CEP95: variants seen among roughly 807,000 people sequenced by gnomAD.
The protein encoded by CEP95 is centrosomal protein 95.
CEP95 carries 98 observed loss-of-function variants against 111.2 expected under a neutral mutation model. The observed-to-expected ratio is 0.88, with a 90% CI of 0.75 to 1.04. The LOEUF (loss-of-function observed/expected upper bound fraction) is 1.04. Among genes scored for constraint, CEP95 ranks in the 50% least tolerant of loss-of-function variants. The probability of loss-of-function intolerance (pLI) is 0.00; values close to 1 mark genes in which losing one functional copy is unlikely to be tolerated. For missense variants in CEP95, 1,027 were observed against 977.2 expected, an observed-to-expected ratio of 1.05 and a Z score of -0.68; for synonymous variants, 323 against 327.1, an observed-to-expected ratio of 0.99 and a Z score of 0.14.
chr17:64,529,099 C>T lies in CEP95; in HGVS notation c.1307-189C>T, dbSNP rs75895610. ...GAATGTAGAAGCTAAGTATTTGAGA[C>T]AGTACACATTTGTATGCATTTGTCT... On this transcript the variant is annotated intron_variant, in intron 11 of 19. Coordinates refer to ENST00000556440, the MANE Select transcript of CEP95 (RefSeq NM_138363.3). Among the ~76,000 whole-genome samples the T allele has an allele frequency of 3.0e-3, 451 of 152,308 alleles. 2 individuals carry two copies. The highest frequency in any genetic ancestry group is 0.011 in the African/African-American group (439 of 41,582).
chr17:64,521,676 G>C (rs1315595549), intron 7 of CEP95, 149 bp downstream of exon 7: 1 of 660,440 alleles, frequency 1.5e-6, no homozygotes, highest in African/African-American at 1.9e-5. Context: ...TATTAATTAT[G>C]GTATCTGAAT....
chr17:64,527,748 G>A (rs1378393198), intron 11 of CEP95, among the ~76,000 whole-genome samples: 1 of 151,878 alleles, frequency 6.6e-6, no homozygotes, highest in East Asian at 1.9e-4. Flanking sequence ...TAACTGCAGT[G>A]TAACTGAGTT....
intron 5 of CEP95, among the ~76,000 whole-genome samples, chr17:64,517,976 G>C (rs1307147793): frequency 6.6e-6 from 1 of 151,814 alleles, no homozygotes; most frequent in Admixed American, 6.6e-5. Flanking sequence ...TCCCGGTTTC[G>C]AGTGATTCTT....
At chr17:64,510,346 C>T (rs1312987779) in intron 3 of CEP95, 66 bp downstream of exon 3, 1 of 1,016,076 alleles carries the variant, frequency 9.8e-7, no homozygotes, top group Non-Finnish European at 1.5e-6. Context: ...GAACTGTAGA[C>T]ATTGTTTACT....
At position 64,516,724 on chromosome 17, in the gene CEP95, T is replaced by C. The variant is rs782587202; in HGVS notation, c.369T>C (p.Ser123=). The C allele has an allele frequency of 1.3e-6, 2 of 1,593,390 alleles. No individual in the cohort carries two copies. The highest frequency in any genetic ancestry group is 4.5e-5 in the East Asian group (2 of 44,734). Residue 123 remains serine, a splice_region_variant and synonymous_variant, in exon 5 of 20, where the codon AGT becomes AGC. Transcript: ENST00000556440. The part of the protein sequence containing the change: ...ERISETSHEK[S]ETEQYFKESD... ...ATTGTTTTTATCTGTTCTGAACAGGTGAAACTGAACAGTATTTTAAAGAAT... is the reference window on the plus strand; with the variant it reads ...ATTGTTTTTATCTGTTCTGAACAGGCGAAACTGAACAGTATTTTAAAGAAT...
chr17:64,537,721 G>A lies in CEP95; in HGVS notation c.2408G>A (p.Arg803His), dbSNP rs1555681942. Residue 803 changes from arginine (R) to histidine (H), a missense_variant, in exon 20 of 20, where the codon CGC (arginine) becomes CAC (histidine). Physicochemically the swap from Arg to His is conservative, Grantham distance 29. Coordinates refer to ENST00000556440, the MANE Select transcript of CEP95 (RefSeq NM_138363.3). ...TTCTTCCGGGAACTGGAAGCTGAGC[G>A]CTTCAGATCTCGGCTTCAGCTGGCT... ...DVFFRELEAE[R>H]FRSRLQLASF... 6 of 1,612,156 alleles carry A rather than the reference G, an allele frequency of 3.7e-6. No individual in the cohort carries two copies. The highest frequency in any genetic ancestry group is 1.7e-4 in the Middle Eastern group (1 of 6,054).
At chr17:64,537,220 G>T in intron 19 of CEP95, 108 bp downstream of exon 19, 1 of 1,507,374 alleles carries the variant, frequency 6.6e-7, no homozygotes, top group Non-Finnish European at 8.9e-7. Context: ...ATATAGCCCC[G>T]GTGTGCAGTG....
At chr17:64,523,389 GTAATTTAA>G (rs1967527733) in intron 8 of CEP95, among the ~76,000 whole-genome samples, 1 of 151,966 alleles carries the variant, frequency 6.6e-6, no homozygotes, top group Non-Finnish European at 1.5e-5. Context: ...TATTGTGTCC[GTAATTTAA>G]TAATTTCAAA....
intron 17 of CEP95, 46 bp from the exon 18 acceptor site, chr17:64,536,556 A>G (rs782390420): frequency 1.3e-6 from 2 of 1,515,766 alleles, no homozygotes; most frequent in South Asian, 2.5e-5. Context: ...TAGTTGGCCA[A>G]AATGATATTC....
At chr17:64,532,145 T>TC (rs1157041474) in intron 14 of CEP95, 123 bp downstream of exon 14, 21 of 1,373,308 alleles carry the variant, frequency 1.5e-5, no homozygotes, top group South Asian at 1.4e-4. Context: ...TTTTTTTTTT[T>TC]CCCAATCACT....
intron 4 of CEP95, 120 bp from the exon 5 acceptor site, chr17:64,516,603 C>G: frequency 2.0e-6 from 1 of 499,876 alleles, no homozygotes; most frequent in Non-Finnish European, 3.6e-6. Context: ...TTCACTAGAA[C>G]CCTGTTTACC....
In CEP95 at chr17:64,532,840, G is replaced by T. The variant is rs781910599; in HGVS notation, c.1674G>T (p.Met558Ile). 5.0e-6 allele frequency: 8 copies of T among 1,605,280 alleles called. No homozygotes were observed. The highest frequency in any genetic ancestry group is 6.8e-6 in the Non-Finnish European group (8 of 1,177,562). ...AGAACATCTTATTTTACCTTGCAGT[G>T]AAAGTAAGTGAACACAGTCTCCTGC... Reference protein sequence around the residue: ...GLPKPNKAVPMKVSEHSLLPL... With the variant: ...GLPKPNKAVPIKVSEHSLLPL... The change falls in exon 15 of 20, where the codon ATG (methionine) becomes ATT (isoleucine). Residue 558 changes from methionine to isoleucine, a missense_variant and splice_region_variant. Coordinates refer to ENST00000556440, the MANE Select transcript of CEP95 (RefSeq NM_138363.3).
At chr17:64,520,926 T>C (rs900423524) in intron 6 of CEP95, among the ~76,000 whole-genome samples, 6 of 152,210 alleles carry the variant, frequency 3.9e-5, no homozygotes, top group African/African-American at 1.4e-4. Context: ...AATGGCATCT[T>C]ACTTTCTGAT....
intron 3 of CEP95, among the ~76,000 whole-genome samples, chr17:64,512,024 G>A (rs2038924160): frequency 1.3e-5 from 2 of 152,192 alleles, no homozygotes; most frequent in African/African-American, 2.4e-5. Context: ...AGTAGGGATT[G>A]GTTAGATAAA....
intron 3 of CEP95, among the ~76,000 whole-genome samples, chr17:64,511,901 T>C (rs570950144): frequency 3.9e-5 from 6 of 152,374 alleles, no homozygotes; most frequent in East Asian, 1.9e-4. Context: ...AGCCGGTCCC[T>C]CTGTTTGGGG....
At chr17:64,518,393 C>T (rs1332698862) in intron 5 of CEP95, among the ~76,000 whole-genome samples, 4 of 152,068 alleles carry the variant, frequency 2.6e-5, no homozygotes, top group African/African-American at 4.8e-5. Context: ...ATAAAAGTTG[C>T]CAGACTGTTT....
At chr17:64,515,176 C>T (rs574225940) in intron 4 of CEP95, among the ~76,000 whole-genome samples, 29 of 152,266 alleles carry the variant, frequency 1.9e-4, no homozygotes, top group East Asian at 5.8e-4. Context: ...GTTTTATAGG[C>T]GTCTGGGTAC....
At chr17:64,525,187 C>CA (rs1312342266) in intron 8 of CEP95, among the ~76,000 whole-genome samples, 5 of 151,382 alleles carry the variant, frequency 3.3e-5, no homozygotes, top group South Asian at 2.1e-4. Context: ...TAAAAATACA[C>CA]AAAAAAATTA....
intron 3 of CEP95, among the ~76,000 whole-genome samples, chr17:64,511,217 C>T (rs146904572): frequency 6.6e-6 from 1 of 152,172 alleles, no homozygotes; most frequent in African/African-American, 2.4e-5. Context: ...TTGATAACAT[C>T]TTATCAGGAG....
Sources: gnomAD v4.1 joint callset for allele counts (sites outside exome capture counted in the v4.1 genomes callset) on GRCh38, gnomAD v4.1.1 for gene constraint, MANE v1.5 for transcripts, NCBI Gene and HGNC (gene_info 2026-07-23, HGNC 2026-07-21) for gene names.